COMMD10: variants seen among roughly 807,000 people sequenced by gnomAD.
COMMD10 encodes COMM domain containing 10.
Under a neutral mutation model 28.9 loss-of-function variants are expected in COMMD10, and 33 were observed. The observed-to-expected ratio is 1.14, with a 90% CI of 0.87 to 1.53. COMMD10 has a LOEUF of 1.53. Among genes scored for constraint, COMMD10 ranks in the 40% most tolerant of loss-of-function variants. The probability of loss-of-function intolerance (pLI) is 0.00; values close to 1 mark genes in which losing one functional copy is unlikely to be tolerated. For missense variants in COMMD10, 310 were observed against 233.4 expected (o/e 1.33, Z -2.14); for synonymous variants, 110 against 81.7 (o/e 1.35, Z -1.87).
At chr5:116,218,357 C>A in intron 5 of COMMD10, 1 of 623,790 alleles carries the variant, frequency 1.6e-6, no homozygotes, top group South Asian at 1.5e-5. Context: ...GGCATGTGGG[C>A]TTTGGTGAGT....
chr5:116,232,415 T>C lies in COMMD10; in HGVS notation c.511-59102T>C, dbSNP rs114726640. Among the ~76,000 whole-genome samples the C allele has an allele frequency of 5.0e-3, 764 of 151,776 alleles. 6 individuals are homozygous for C. Among genetic ancestry groups the C allele is most frequent in the African/African-American group, 0.018 (735 of 41,358 alleles). Reference sequence around the variant, plus strand: ...AAAATCGAAAGGTAAACAAGCAAGATAGGATAAATTCAATCCATGGTGTTG... The same window carrying C: ...AAAATCGAAAGGTAAACAAGCAAGACAGGATAAATTCAATCCATGGTGTTG... On this transcript the variant is annotated intron_variant, in intron 5 of 6. Coordinates refer to ENST00000274458, the MANE Select transcript of COMMD10 (RefSeq NM_016144.4).
At chr5:116,087,469 C>G in intron 1 of COMMD10, 28 bp from the exon 2 acceptor site, 3 of 1,454,218 alleles carry the variant, frequency 2.1e-6, no homozygotes, top group Non-Finnish European at 2.9e-6. Context: ...AAACTCATTT[C>G]AAAACTCTGT....
chr5:116,150,119 TTCCC>T (rs1276993492), intron 5 of COMMD10, among the ~76,000 whole-genome samples: 1 of 152,176 alleles, frequency 6.6e-6, no homozygotes. Flanking sequence ...AGGGAATACT[TTCCC>T]CATTTCTTGT....
chr5:116,234,674 T>C (rs1749615300), intron 5 of COMMD10, among the ~76,000 whole-genome samples: 1 of 152,226 alleles, frequency 6.6e-6, no homozygotes, highest in South Asian at 2.1e-4. Context: ...ACTGCATTCA[T>C]CTGTAAATAA....
intron 5 of COMMD10, among the ~76,000 whole-genome samples, chr5:116,286,816 C>A (rs1228510126): frequency 2.0e-5 from 3 of 151,760 alleles, no homozygotes; most frequent in Admixed American, 1.3e-4. Flanking sequence ...GGGTACTCAA[C>A]AATACATGTT....
intron 1 of COMMD10, 23 bp downstream of exon 1, chr5:116,085,116 G>C (rs768789673): frequency 1.7e-5 from 28 of 1,603,388 alleles, no homozygotes; most frequent in Non-Finnish European, 2.3e-5. Context: ...TTAAGCTCTT[G>C]CGGTAGCCGC....
At chr5:116,193,922 A>G (rs1748438192) in intron 5 of COMMD10, among the ~76,000 whole-genome samples, 1 of 152,138 alleles carries the variant, frequency 6.6e-6, no homozygotes, top group Non-Finnish European at 1.5e-5. Context: ...AGGCCATAAA[A>G]TGAGCCTCAA....
chr5:116,160,796 G>A (rs1325045901), intron 5 of COMMD10, among the ~76,000 whole-genome samples: 1 of 152,128 alleles, frequency 6.6e-6, no homozygotes, highest in East Asian at 1.9e-4. Flanking sequence ...AAAGTAGGAA[G>A]AGGATGTAGG....
chr5:116,111,509 A>G (rs1258197596), intron 4 of COMMD10, among the ~76,000 whole-genome samples: 2 of 143,182 alleles, frequency 1.4e-5, no homozygotes, highest in Non-Finnish European at 3.1e-5. Flanking sequence ...AATTCTCCTT[A>G]ATTTTTTCAT....
chr5:116,134,713 T>TG (rs1268057300), intron 5 of COMMD10, among the ~76,000 whole-genome samples: 1 of 152,072 alleles, frequency 6.6e-6, no homozygotes, highest in African/African-American at 2.4e-5. Context: ...CTCCGCCCCC[T>TG]GGGGTTCACG....
At chr5:116,110,920 C>T (rs1751023225) in intron 4 of COMMD10, among the ~76,000 whole-genome samples, 2 of 152,144 alleles carry the variant, frequency 1.3e-5, no homozygotes. Flanking sequence ...CTCCATCATC[C>T]AATCACCTCC....
At chr5:116,199,415 T>C (rs535232592) in intron 5 of COMMD10, among the ~76,000 whole-genome samples, 2 of 152,170 alleles carry the variant, frequency 1.3e-5, no homozygotes, top group African/African-American at 2.4e-5. Flanking sequence ...GCTTGTCTTT[T>C]TATTCTCTTA....
chr5:116,283,882 C>T (rs1751145006), intron 5 of COMMD10, among the ~76,000 whole-genome samples: 1 of 151,776 alleles, frequency 6.6e-6, no homozygotes, highest in East Asian at 1.9e-4. Context: ...GTAATCCCAA[C>T]ACTTTGGGAG....
rs956658630 is a variant in COMMD10 at position 116,255,871 on chromosome 5, G to A, written c.511-35646G>A. ...CATTAAGAAATGTTAGTCTCATTAA[G>A]TAGAAGAGAAGAACATAATTCTTAT... On this transcript the variant is annotated intron_variant, in intron 5 of 6. Coordinates refer to ENST00000274458, the MANE Select transcript of COMMD10 (RefSeq NM_016144.4). 2.6e-5 allele frequency: 4 copies of A among 151,312 alleles called. No individual in the cohort carries two copies. The South Asian group carries it at 8.3e-4, about 32-fold the overall frequency. 9.4% of individuals were successfully genotyped at this position (151,312 alleles called of 1,614,324 possible).
At chr5:116,254,473 G>A (rs573043699) in intron 5 of COMMD10, among the ~76,000 whole-genome samples, 37 of 151,000 alleles carry the variant, frequency 2.5e-4, no homozygotes, top group Middle Eastern at 3.4e-3. Flanking sequence ...CTTTGAATGC[G>A]TCCCAGAGAT....
intron 5 of COMMD10, among the ~76,000 whole-genome samples, chr5:116,194,081 C>G (rs1054397375): frequency 2.6e-5 from 4 of 152,002 alleles, no homozygotes; most frequent in Admixed American, 2.0e-4. Context: ...GGGTCAAAAA[C>G]AAAATCAAGA....
At chr5:116,236,888 T>C (rs1749679194) in intron 5 of COMMD10, among the ~76,000 whole-genome samples, 1 of 152,102 alleles carries the variant, frequency 6.6e-6, no homozygotes, top group African/African-American at 2.4e-5. Flanking sequence ...ATACTGATAA[T>C]AGTAGGGGTT....
chr5:116,235,865 T>G (rs1749647474), intron 5 of COMMD10, among the ~76,000 whole-genome samples: 1 of 152,196 alleles, frequency 6.6e-6, no homozygotes, highest in Non-Finnish European at 1.5e-5. Flanking sequence ...CGCTTGATAC[T>G]TGCTCAGCCC....
chr5:116,153,593 G>GT (rs1752608647), intron 5 of COMMD10, among the ~76,000 whole-genome samples: 2 of 152,082 alleles, frequency 1.3e-5, no homozygotes, highest in Admixed American at 6.6e-5. Flanking sequence ...GGGCTTTTAT[G>GT]TTTTTTTCTC....
Sources: allele counts gnomAD v4.1 joint callset (sites outside exome capture counted in the v4.1 genomes callset), GRCh38; gene constraint gnomAD v4.1.1; transcripts MANE v1.5; gene names NCBI Gene and HGNC (gene_info 2026-07-23, HGNC 2026-07-21).